PCLO: variants seen among roughly 807,000 people sequenced by gnomAD.
PCLO encodes the protein protein piccolo.
PCLO carries 82 observed loss-of-function variants against 427.5 expected under a neutral mutation model. The observed-to-expected ratio is 0.19, with a 90% CI of 0.16 to 0.23. The LOEUF (loss-of-function observed/expected upper bound fraction) is 0.23, where lower values mean the gene tolerates loss of function less well. PCLO is among the 10% of genes least tolerant of loss of function. The pLI is 1.00. For synonymous variants in PCLO, 2,357 were observed against 2,155.4 expected (o/e 1.09, Z -2.59); for missense variants, 6,239 against 6,115.9 (o/e 1.02, Z -0.67).
chr7:82,810,678 G>T (rs1414106952), intron 20 of PCLO, among the ~76,000 whole-genome samples: 1 of 151,662 alleles, frequency 6.6e-6, no homozygotes, highest in African/African-American at 2.4e-5. Context: ...TTGGCTGTTA[G>T]ATGGTTCAAC....
intron 3 of PCLO, among the ~76,000 whole-genome samples, chr7:82,968,517 C>CTTTTTTTTTTT (rs11324005): frequency 2.3e-4 from 17 of 73,216 alleles, no homozygotes; most frequent in African/African-American, 7.7e-4. Flanking sequence ...CAGAGTCTGA[C>CTTTTTTTTTTT]TTTTTTTTTT....
chr7:82,918,468 A>G (rs897695682), intron 6 of PCLO, among the ~76,000 whole-genome samples: 1 of 152,044 alleles, frequency 6.6e-6, no homozygotes, highest in Non-Finnish European at 1.5e-5. Context: ...CTTGTAAAAA[A>G]GTACACATGT....
intron 22 of PCLO, among the ~76,000 whole-genome samples, chr7:82,773,057 C>T (rs10954689): frequency 0.37 from 56,352 of 151,888 alleles, 12,993 homozygotes; most frequent in East Asian, 0.71. Context: ...TCAAGCTTAA[C>T]GAAACAAGGT....
intron 6 of PCLO, among the ~76,000 whole-genome samples, chr7:82,930,429 CAACAT>C (rs1794814798): frequency 1.3e-5 from 2 of 151,936 alleles, no homozygotes; most frequent in South Asian, 2.1e-4. Context: ...TCAGAAATGA[CAACAT>C]AATATGTATT....
Position 82,935,958 on chromosome 7 carries a change from G to T in PCLO, c.11112+13518C>A, listed in dbSNP as rs76458379. Among the ~76,000 whole-genome samples, 395 of 151,782 alleles carry T rather than the reference G, an allele frequency of 2.6e-3. 1 individual carries two copies. The highest frequency in any genetic ancestry group is 8.9e-3 in the African/African-American group (371 of 41,516). ...GAAGGTTCTAATGTAAAGTAAGAAA[G>T]CATTGTGATGTTCTGGTTCATTCTC... On this transcript the variant is annotated intron_variant, in intron 6 of 24. Coordinates refer to ENST00000333891, the MANE Select transcript of PCLO (RefSeq NM_033026.6).
At chr7:83,120,717 T>C (rs1473646451) in intron 3 of PCLO, among the ~76,000 whole-genome samples, 3 of 152,128 alleles carry the variant, frequency 2.0e-5, no homozygotes, top group Non-Finnish European at 1.5e-5. Flanking sequence ...AAAACTTTTA[T>C]TGTAGAATAT....
intron 8 of PCLO, among the ~76,000 whole-genome samples, chr7:82,907,807 TTC>T (rs372585409): frequency 5.3e-5 from 8 of 151,748 alleles, no homozygotes; most frequent in African/African-American, 1.9e-4. Flanking sequence ...TAAGAAAAAA[TTC>T]TGTTTAATAG....
intron 3 of PCLO, among the ~76,000 whole-genome samples, chr7:83,050,928 T>A (rs949658182): frequency 1.3e-5 from 2 of 151,558 alleles, no homozygotes; most frequent in African/African-American, 4.8e-5. Context: ...CAAAAAAAAA[T>A]TAATGTAATT....
chr7:83,145,292 T>C (rs1328597503), intron 2 of PCLO, among the ~76,000 whole-genome samples: 1 of 152,130 alleles, frequency 6.6e-6, no homozygotes, highest in East Asian at 1.9e-4. Flanking sequence ...TGGACAGAAG[T>C]ATGTATGAAG....
intron 20 of PCLO, among the ~76,000 whole-genome samples, chr7:82,809,601 GTAA>G (rs61674452): frequency 0.12 from 17,498 of 149,270 alleles, 2,671 homozygotes; most frequent in African/African-American, 0.36. Context: ...TAATGAATAA[GTAA>G]TAATAATAAT....
chr7:83,005,383 G>T (rs967642908), intron 3 of PCLO, among the ~76,000 whole-genome samples: 7 of 151,634 alleles, frequency 4.6e-5, no homozygotes, highest in Non-Finnish European at 1.0e-4. Context: ...CACAGAAACA[G>T]AGAGCAGAGT....
At chr7:82,971,628 T>G (rs1233048763) in intron 3 of PCLO, among the ~76,000 whole-genome samples, 1 of 147,798 alleles carries the variant, frequency 6.8e-6, no homozygotes, top group African/African-American at 2.5e-5. Context: ...TATAGATATA[T>G]ATGATAAAAT....
At chr7:83,086,816 C>T (rs1790245646) in intron 3 of PCLO, among the ~76,000 whole-genome samples, 1 of 151,828 alleles carries the variant, frequency 6.6e-6, no homozygotes, top group South Asian at 2.1e-4. Flanking sequence ...GATATAAATG[C>T]CCAACAGATA....
intron 3 of PCLO, among the ~76,000 whole-genome samples, chr7:83,119,431 A>G (rs1236567486): frequency 1.3e-5 from 2 of 152,152 alleles, no homozygotes; most frequent in African/African-American, 2.4e-5. Flanking sequence ...AGTACCTCTC[A>G]CAGTCTCCAA....
At chr7:83,107,964 G>A (rs1584034444) in intron 3 of PCLO, among the ~76,000 whole-genome samples, 1 of 137,270 alleles carries the variant, frequency 7.3e-6, no homozygotes, top group South Asian at 2.3e-4. Flanking sequence ...ACTCCAGCCA[G>A]GTGACAGAGT....
chr7:83,088,374 G>A (rs985573045), intron 3 of PCLO, among the ~76,000 whole-genome samples: 2 of 152,164 alleles, frequency 1.3e-5, no homozygotes, highest in African/African-American at 4.8e-5. Context: ...CAAAGACTGG[G>A]TCTGCAAAGA....
intron 3 of PCLO, among the ~76,000 whole-genome samples, chr7:83,121,935 C>T (rs905744910): frequency 6.6e-6 from 1 of 152,066 alleles, no homozygotes; most frequent in African/African-American, 2.4e-5. Flanking sequence ...CAAATTCCAA[C>T]AACACATTAA....
At chr7:82,865,935 ATG>A (rs951092360) in intron 10 of PCLO, among the ~76,000 whole-genome samples, 1 of 152,118 alleles carries the variant, frequency 6.6e-6, no homozygotes, top group African/African-American at 2.4e-5. Context: ...CATTCAGCTT[ATG>A]TCAGGTCAAT....
rs547668058 is a variant in PCLO at position 83,086,537 on chromosome 7, T to TA, written c.3300+47712_3300+47713insT. On this transcript the variant is annotated intron_variant, in intron 3 of 24. Transcript: ENST00000333891. ...GAGGTCTATATTAATACCTGACTGTTTTTTATTTAAATGGCAAACAACCCA... is the reference window on the plus strand; with the variant it reads ...GAGGTCTATATTAATACCTGACTGTTATTTTATTTAAATGGCAAACAACCCA... Among the ~76,000 whole-genome samples the TA allele has an allele frequency of 2.4e-3, 367 of 152,294 alleles. 2 individuals are homozygous for TA. Among genetic ancestry groups the TA allele is most frequent in the African/African-American group, 8.5e-3 (352 of 41,556 alleles).
Sources: allele counts gnomAD v4.1 joint callset (sites outside exome capture counted in the v4.1 genomes callset), GRCh38; gene constraint gnomAD v4.1.1; transcripts MANE v1.5; gene names NCBI Gene and HGNC (gene_info 2026-07-23, HGNC 2026-07-21).